The following NCK1 variants were observed in gnomAD, a reference collection of about 807,000 sequenced individuals.
The protein encoded by NCK1 is NCK adaptor protein 1.
NCK1 carries 19 observed loss-of-function variants against 36.6 expected under a neutral mutation model. The observed-to-expected ratio is 0.52, with a 90% confidence interval of 0.36 to 0.76. The LOEUF (loss-of-function observed/expected upper bound fraction) is 0.76, where lower values mean the gene tolerates loss of function less well. Ranked by LOEUF, NCK1 falls within the 30% of genes least tolerant of loss-of-function variation. The pLI, the probability that NCK1 is intolerant of heterozygous loss-of-function variation, is 0.00. For missense variants in NCK1, 358 were observed against 445.6 expected (o/e 0.80, Z 1.77); for synonymous variants, 165 against 156.0 (o/e 1.06, Z -0.43).
chr3:136,930,935 AAG>A (rs1483164970), intron 2 of NCK1, among the ~76,000 whole-genome samples: 5 of 152,144 alleles, frequency 3.3e-5, no homozygotes, highest in Non-Finnish European at 7.4e-5. Flanking sequence ...ATTAGATAAA[AAG>A]GATTAGGTGA....
chr3:136,889,436 G>A (rs1350613886), intron 1 of NCK1: 4 of 152,734 alleles, frequency 2.6e-5, no homozygotes, highest in East Asian at 3.8e-4. Flanking sequence ...CCTTCGCGGC[G>A]AGTGTTACAG....
At chr3:136,926,323 G>A (rs546076659) in intron 1 of NCK1, among the ~76,000 whole-genome samples, 18 of 151,734 alleles carry the variant, frequency 1.2e-4, no homozygotes, top group Non-Finnish European at 1.5e-4. Context: ...GGCCCAGGCT[G>A]GAGTGCAGTG....
chr3:136,917,741 C>A (rs17366890), intron 1 of NCK1, among the ~76,000 whole-genome samples: 19,514 of 152,184 alleles, frequency 0.13, 1,442 homozygotes, highest in Non-Finnish European at 0.18. Context: ...AGTTCTTTCC[C>A]ACAGCACTTA....
At chr3:136,896,423 A>T (rs1277453094) in intron 1 of NCK1, among the ~76,000 whole-genome samples, 1 of 152,214 alleles carries the variant, frequency 6.6e-6, no homozygotes, top group Non-Finnish European at 1.5e-5. Context: ...TTCACTTAAC[A>T]TAGTGACCTC....
intron 1 of NCK1, among the ~76,000 whole-genome samples, chr3:136,870,048 TTTAA>T (rs1560029843): frequency 9.4e-6 from 1 of 106,596 alleles, no homozygotes; most frequent in Admixed American, 8.8e-5. Context: ...TTTTTTTTTT[TTTAA>T]AAGAATCATC....
intron 2 of NCK1, among the ~76,000 whole-genome samples, chr3:136,943,879 A>G (rs879691137): frequency 4.6e-5 from 7 of 152,198 alleles, no homozygotes; most frequent in Non-Finnish European, 1.0e-4. Flanking sequence ...TCAAAGAAGA[A>G]GAAAACATAA....
rs1178133279 is a variant in NCK1, at chr3:136,936,063, CAG to C, written c.226+7839_226+7840del. Among the ~76,000 whole-genome samples the C allele has an allele frequency of 4.4e-4, 61 of 138,386 alleles. 1 individual carries two copies. Among genetic ancestry groups the C allele is most frequent in the African/African-American group, 1.4e-3 (51 of 37,474 alleles). 90.8% of individuals were successfully genotyped at this position (138,386 alleles called of 152,430 possible). ...CTTTTTTTTTTTTTTTTTTCTGAGA[CAG>C]AGTCTCGCCCTGTCACACAGGCTGG... On this transcript the variant is annotated intron_variant, in intron 2 of 3. Transcript: ENST00000481752.
At chr3:136,875,756 TC>T (rs1560031757) in intron 1 of NCK1, among the ~76,000 whole-genome samples, 1 of 147,948 alleles carries the variant, frequency 6.8e-6, no homozygotes, top group African/African-American at 2.5e-5. Flanking sequence ...AGACAGAAAG[TC>T]AACAAGGATA....
intron 1 of NCK1, among the ~76,000 whole-genome samples, chr3:136,866,220 G>C (rs1056519508): frequency 2.9e-4 from 44 of 151,692 alleles, no homozygotes; most frequent in African/African-American, 1.0e-3. Context: ...TTTCTTTATA[G>C]GAGCTGTCCA....
intron 1 of NCK1, among the ~76,000 whole-genome samples, chr3:136,890,547 G>A (rs1420015326): frequency 6.6e-6 from 1 of 152,238 alleles, no homozygotes; most frequent in Non-Finnish European, 1.5e-5. Flanking sequence ...AGGACTGCCA[G>A]CACGCTGTCA....
chr3:136,945,549 A>G, intron 2 of NCK1, 34 bp from the exon 3 acceptor site: 10 of 1,319,696 alleles, frequency 7.6e-6, no homozygotes, highest in African/African-American at 1.5e-5. Context: ...ATTTTTTTAT[A>G]TTCTCCTCTC....
chr3:136,887,813 A>C (rs971422467), intron 1 of NCK1, among the ~76,000 whole-genome samples: 4 of 152,198 alleles, frequency 2.6e-5, no homozygotes, highest in African/African-American at 9.6e-5. Flanking sequence ...TGAAGCAGAG[A>C]GGTTAGATAA....
chr3:136,865,854 AT>A (rs1319568989), intron 1 of NCK1, among the ~76,000 whole-genome samples: 1 of 152,236 alleles, frequency 6.6e-6, no homozygotes, highest in African/African-American at 2.4e-5. Flanking sequence ...AACTGATTCC[AT>A]ATGCTGACTT....
rs1214193694 is a variant in NCK1, at chr3:136,867,117, TTTGTTTC to T, written c.-19+4767_-19+4773del. 6.3e-4 allele frequency among the ~76,000 whole-genome samples: 17 copies of T among 26,970 alleles called. 2 individuals carry two copies. Among genetic ancestry groups the T allele is most frequent in the African/African-American group, 2.3e-3 (17 of 7,480 alleles). 17.7% of individuals were successfully genotyped at this position (26,970 alleles called of 152,430 possible). A position where few individuals can be genotyped will look rare whatever the true frequency, so the allele number is the denominator to read the frequency against. The stretch of plus-strand genomic sequence containing the variant: ...CTTTCTTTCTTTCTTTCTTTCTTTC[TTTGTTTC>T]TTTCTTTCCTTCCTTCCTTCCTTCC... On this transcript the variant is annotated intron_variant, in intron 1 of 3. Coordinates refer to ENST00000481752, the MANE Select transcript of NCK1 (RefSeq NM_001291999.2).
rs563902584 is a variant in NCK1 at position 136,950,582 on chromosome 3, T to C, written c.*2129T>C. On this transcript the variant is annotated 3_prime_UTR_variant, in exon 4 of 4. Coordinates refer to ENST00000481752, the MANE Select transcript of NCK1 (RefSeq NM_001291999.2). Reference sequence around the variant, plus strand: ...AATCCAATGCTTATACCAGTGACTGTTTTTATAATACTTGAAGTAACTTTA... The same window carrying C: ...AATCCAATGCTTATACCAGTGACTGCTTTTATAATACTTGAAGTAACTTTA... Among the ~76,000 whole-genome samples the C allele has an allele frequency of 2.6e-5, 4 of 152,276 alleles. No individual in the cohort carries two copies. The highest frequency in any genetic ancestry group is 1.9e-4 in the East Asian group (1 of 5,190).
intron 2 of NCK1, among the ~76,000 whole-genome samples, chr3:136,941,119 T>C (rs1940662332): frequency 6.2e-5 from 1 of 16,106 alleles, no homozygotes. Context: ...TCTTTTTCTT[T>C]TTTTTTTTTT....
chr3:136,890,866 C>T (rs1290334603), intron 1 of NCK1, among the ~76,000 whole-genome samples: 1 of 152,142 alleles, frequency 6.6e-6, no homozygotes, highest in Non-Finnish European at 1.5e-5. Context: ...AACTCTGTAC[C>T]CATTAAACAA....
chr3:136,870,506 G>A (rs1048436787), intron 1 of NCK1, among the ~76,000 whole-genome samples: 1 of 151,728 alleles, frequency 6.6e-6, no homozygotes, highest in African/African-American at 2.4e-5. Flanking sequence ...ATTTAATAGG[G>A]CTGGGCAGTT....
chr3:136,902,297 A>C (rs1051285589), intron 1 of NCK1, among the ~76,000 whole-genome samples: 17 of 150,730 alleles, frequency 1.1e-4, no homozygotes, highest in African/African-American at 4.1e-4. Flanking sequence ...TCCTGGGTTC[A>C]AGCAGTTCTT....
Sources: allele counts gnomAD v4.1 joint callset (sites outside exome capture counted in the v4.1 genomes callset), GRCh38; gene constraint gnomAD v4.1.1; transcripts MANE v1.5; gene names NCBI Gene and HGNC (gene_info 2026-07-23, HGNC 2026-07-21).